The following BABAM2 variants were observed in gnomAD, a reference collection of about 807,000 sequenced individuals.
BABAM2 encodes the protein BRISC and BRCA1-A complex member 2.
A neutral mutation model predicts 54.7 loss-of-function variants in BABAM2; 31 were observed. That is an observed-to-expected ratio of 0.57 (90% CI 0.43 to 0.77). BABAM2 has a LOEUF of 0.77. Among genes scored for constraint, BABAM2 ranks in the 30% least tolerant of loss-of-function variants. The pLI is 0.00. For missense variants in BABAM2, 364 were observed against 455.8 expected, an observed-to-expected ratio of 0.80 and a Z score of 1.83; for synonymous variants, 167 against 162.9, an observed-to-expected ratio of 1.03 and a Z score of -0.19.
chr2:28,261,717 G>A (rs1684553620), intron 10 of BABAM2, among the ~76,000 whole-genome samples: 1 of 151,784 alleles, frequency 6.6e-6, no homozygotes, highest in Non-Finnish European at 1.5e-5. Context: ...TGTGAGTTTT[G>A]TCCTTCCTTC....
At chr2:28,118,686 A>G (rs544640278) in intron 6 of BABAM2, among the ~76,000 whole-genome samples, 2 of 151,930 alleles carry the variant, frequency 1.3e-5, no homozygotes, top group Admixed American at 6.5e-5. Flanking sequence ...GTTCACTCCA[A>G]CGATACTTTC....
chr2:28,016,245 AT>A, intron 4 of BABAM2: 1 of 916,324 alleles, frequency 1.1e-6, no homozygotes, highest in Non-Finnish European at 1.7e-6. Context: ...GCACTTAACA[AT>A]TTCCCCCTGT....
At chr2:28,288,209 T>C (rs1686981879) in intron 10 of BABAM2, among the ~76,000 whole-genome samples, 1 of 152,138 alleles carries the variant, frequency 6.6e-6, no homozygotes, top group South Asian at 2.1e-4. Flanking sequence ...GCCTGTGAGC[T>C]TCCTGACACC....
intron 10 of BABAM2, among the ~76,000 whole-genome samples, chr2:28,260,944 T>TC (rs1333547038): frequency 5.5e-5 from 8 of 144,188 alleles, no homozygotes; most frequent in African/African-American, 1.5e-4. Context: ...TTTCTTTCTT[T>TC]TTTTTTTTTT....
intron 7 of BABAM2, among the ~76,000 whole-genome samples, chr2:28,205,273 G>A (rs1573837532): frequency 1.3e-5 from 2 of 151,994 alleles, no homozygotes; most frequent in Admixed American, 1.3e-4. Context: ...AGGCTGAGGT[G>A]GGTGGATCAT....
intron 5 of BABAM2, among the ~76,000 whole-genome samples, chr2:28,040,541 C>A (rs182382648): frequency 6.6e-6 from 1 of 151,934 alleles, no homozygotes; most frequent in East Asian, 1.9e-4. Context: ...ACCTCGTGAT[C>A]CGCCCGCCTC....
intron 10 of BABAM2, among the ~76,000 whole-genome samples, chr2:28,295,835 C>T (rs542916140): frequency 2.0e-5 from 3 of 150,598 alleles, no homozygotes; most frequent in African/African-American, 7.3e-5. Context: ...AGAAGAGGCG[C>T]GGTGGTTCAC....
chr2:28,269,484 C>G (rs1205927754), intron 10 of BABAM2, among the ~76,000 whole-genome samples: 1 of 152,216 alleles, frequency 6.6e-6, no homozygotes, highest in East Asian at 1.9e-4. Flanking sequence ...ATAGTTAGCT[C>G]AGCAGCTGCA....
At chr2:27,919,622 T>G (rs1329270785) in intron 2 of BABAM2, among the ~76,000 whole-genome samples, 3 of 152,210 alleles carry the variant, frequency 2.0e-5, no homozygotes, top group Non-Finnish European at 4.4e-5. Context: ...CCTCTTATTC[T>G]CTTAGCAGAG....
intron 6 of BABAM2, among the ~76,000 whole-genome samples, chr2:28,122,109 G>A (rs150774700): frequency 0.014 from 2,077 of 152,146 alleles, 45 homozygotes; most frequent in African/African-American, 0.047. Context: ...CCAGCTACTC[G>A]GGAGGCTGAG....
At chr2:28,066,611 T>C (rs1663603727) in intron 6 of BABAM2, among the ~76,000 whole-genome samples, 1 of 152,176 alleles carries the variant, frequency 6.6e-6, no homozygotes, top group Admixed American at 6.5e-5. Context: ...ATCTGAAAGA[T>C]GAACTGGGGC....
intron 7 of BABAM2, among the ~76,000 whole-genome samples, chr2:28,183,039 C>G (rs976179382): frequency 6.6e-6 from 1 of 152,164 alleles, no homozygotes; most frequent in Non-Finnish European, 1.5e-5. Flanking sequence ...AAGTAGGGAC[C>G]AGATCCTGAT....
chr2:28,194,953 C>T (rs538659078), intron 7 of BABAM2, among the ~76,000 whole-genome samples: 7 of 152,338 alleles, frequency 4.6e-5, no homozygotes, highest in South Asian at 2.1e-4. Flanking sequence ...GCCTCCGCCT[C>T]CCAAAGTGCT....
At chr2:28,262,496 C>T (rs1184996619) in intron 10 of BABAM2, among the ~76,000 whole-genome samples, 1 of 151,808 alleles carries the variant, frequency 6.6e-6, no homozygotes, top group Non-Finnish European at 1.5e-5. Flanking sequence ...GTTTAAGAAA[C>T]ATATTGGAAG....
chr2:28,063,916 T>A (rs1679106565), intron 6 of BABAM2, among the ~76,000 whole-genome samples: 1 of 152,186 alleles, frequency 6.6e-6, no homozygotes, highest in African/African-American at 2.4e-5. Context: ...GTTGAATGGG[T>A]TACCCAGGGT....
chr2:28,115,933 G>A (rs1668575706), intron 6 of BABAM2, among the ~76,000 whole-genome samples: 1 of 151,876 alleles, frequency 6.6e-6, no homozygotes, highest in Admixed American at 6.6e-5. Context: ...TGACCAACAC[G>A]AAGAAACCAC....
chr2:27,961,616 T>C (rs1271676190), intron 3 of BABAM2, among the ~76,000 whole-genome samples: 6 of 152,178 alleles, frequency 3.9e-5, no homozygotes, highest in Non-Finnish European at 8.8e-5. Context: ...TTGAGGAGTA[T>C]CTGTAGTTAG....
intron 3 of BABAM2, among the ~76,000 whole-genome samples, chr2:27,981,602 C>T (rs903577607): frequency 6.6e-6 from 1 of 152,090 alleles, no homozygotes; most frequent in African/African-American, 2.4e-5. Flanking sequence ...TAGATTCATA[C>T]AATAATAATA....
At chr2:27,940,411 G>C (rs781221171) in intron 3 of BABAM2, among the ~76,000 whole-genome samples, 1 of 152,176 alleles carries the variant, frequency 6.6e-6, no homozygotes, top group African/African-American at 2.4e-5. Flanking sequence ...CCAATCTCTA[G>C]TTGAGTATCT....
Sources: gnomAD v4.1 joint callset for allele counts (sites outside exome capture counted in the v4.1 genomes callset) on GRCh38, gnomAD v4.1.1 for gene constraint, MANE v1.5 for transcripts, NCBI Gene and HGNC (gene_info 2026-07-23, HGNC 2026-07-21) for gene names.